Variants in GALNT13 observed in about 807,000 individuals in gnomAD.
GALNT13 encodes the protein UDP-GalNAc:polypeptide N-acetylgalactosaminyltransferase 13.
Under a neutral mutation model 64.2 loss-of-function variants are expected in GALNT13, and 28 were observed. That is an observed-to-expected ratio of 0.44 (90% CI 0.32 to 0.60). GALNT13 has a LOEUF of 0.60. Among genes scored for constraint, GALNT13 ranks in the 20% least tolerant of loss-of-function variants. The pLI is 0.05. For synonymous variants in GALNT13, 214 were observed against 224.6 expected, an observed-to-expected ratio of 0.95 and a Z score of 0.42; for missense variants, 577 against 669.8, an observed-to-expected ratio of 0.86 and a Z score of 1.53.
At chr2:153,185,786 T>C in the GALNT13 span, among the ~76,000 whole-genome samples, 2 of 152,162 alleles carry the variant, frequency 1.3e-5, no homozygotes, top group Non-Finnish European at 2.9e-5. Context: ...TTTCTTAATT[T>C]TGAGTTTACA....
chr2:153,612,447 T>C, the GALNT13 span, among the ~76,000 whole-genome samples: 2 of 152,088 alleles, frequency 1.3e-5, no homozygotes, highest in African/African-American at 4.8e-5. Flanking sequence ...GTAACAAAGA[T>C]GAGTTCTAAA....
chr2:154,105,574 A>C (rs12693919), intron 3 of GALNT13, among the ~76,000 whole-genome samples: 30,527 of 152,100 alleles, frequency 0.2, 4,005 homozygotes, highest in Middle Eastern at 0.32. Flanking sequence ...ACACTCTATG[A>C]TGTTCCTAGA....
At chr2:154,273,359 T>C (rs1389212511) in intron 8 of GALNT13, among the ~76,000 whole-genome samples, 3 of 152,060 alleles carry the variant, frequency 2.0e-5, no homozygotes, top group Non-Finnish European at 4.4e-5. Flanking sequence ...CAAAAGGCCT[T>C]ATGCAGCTAT....
At chr2:153,959,538 T>C (rs1692797502) in intron 3 of GALNT13, among the ~76,000 whole-genome samples, 2 of 151,848 alleles carry the variant, frequency 1.3e-5, no homozygotes, top group South Asian at 4.2e-4. Context: ...GGAGAAGGGG[T>C]GACAAGGACG....
chr2:154,354,405 C>CTTTTTTTTTTTTTTTTTTTTTT (rs546187850), intron 9 of GALNT13, among the ~76,000 whole-genome samples: 1 of 60,360 alleles, frequency 1.7e-5, no homozygotes, highest in African/African-American at 6.9e-5. Context: ...TGATGTAGTC[C>CTTTTTTTTTTTTTTTTTTTTTT]TTTTTTTTTT....
intron 3 of GALNT13, among the ~76,000 whole-genome samples, chr2:154,021,676 A>G (rs1697509690): frequency 6.6e-6 from 1 of 151,610 alleles, no homozygotes; most frequent in Admixed American, 6.6e-5. Flanking sequence ...CTCTTTTCCT[A>G]ATTGAATACC....
chr2:153,309,902 C>T, the GALNT13 span, among the ~76,000 whole-genome samples: 1 of 152,074 alleles, frequency 6.6e-6, no homozygotes. Flanking sequence ...TATAGTTGTA[C>T]ATTCAGAATT....
the GALNT13 span, among the ~76,000 whole-genome samples, chr2:153,729,275 A>T: frequency 6.6e-6 from 1 of 151,936 alleles, no homozygotes; most frequent in African/African-American, 2.4e-5. Context: ...AATTATTTGG[A>T]TATTTTAGAT....
intron 10 of GALNT13, among the ~76,000 whole-genome samples, chr2:154,396,501 T>G (rs1292938468): frequency 6.6e-6 from 1 of 152,186 alleles, no homozygotes; most frequent in Non-Finnish European, 1.5e-5. Flanking sequence ...TAATTAAACG[T>G]TATATAATAA....
chr2:153,127,680 T>G, the GALNT13 span, among the ~76,000 whole-genome samples: 2 of 152,216 alleles, frequency 1.3e-5, no homozygotes, highest in African/African-American at 4.8e-5. Flanking sequence ...TGAGGTATCT[T>G]TTGTGGACTA....
At chr2:153,713,643 C>A in the GALNT13 span, among the ~76,000 whole-genome samples, 1 of 152,164 alleles carries the variant, frequency 6.6e-6, no homozygotes, top group African/African-American at 2.4e-5. Context: ...CCACCACACC[C>A]AGCTAACTTT....
the GALNT13 span, among the ~76,000 whole-genome samples, chr2:153,336,543 T>G: frequency 3.3e-5 from 5 of 152,160 alleles, no homozygotes; most frequent in South Asian, 2.1e-4. Context: ...TTTGGACAAT[T>G]TCTCCCATTT....
chr2:153,257,890 C>T, the GALNT13 span, among the ~76,000 whole-genome samples: 1 of 152,168 alleles, frequency 6.6e-6, no homozygotes, highest in African/African-American at 2.4e-5. Flanking sequence ...ATGAATCAAA[C>T]TTGACTTATA....
intron 3 of GALNT13, among the ~76,000 whole-genome samples, chr2:154,023,200 T>C (rs57653279): frequency 1.3e-5 from 2 of 152,208 alleles, no homozygotes; most frequent in Non-Finnish European, 2.9e-5. Context: ...TGTAGATGTC[T>C]ATTAGGTCCA....
the GALNT13 span, among the ~76,000 whole-genome samples, chr2:153,344,903 C>T: frequency 2.6e-5 from 4 of 151,958 alleles, no homozygotes; most frequent in Admixed American, 6.6e-5. Context: ...ATCTCAATAA[C>T]GCTGGAGAAG....
the GALNT13 span, among the ~76,000 whole-genome samples, chr2:153,454,133 G>A: frequency 6.6e-6 from 1 of 152,158 alleles, no homozygotes; most frequent in Non-Finnish European, 1.5e-5. Flanking sequence ...GGGAAGGATG[G>A]AGAAGGGCAA....
At chr2:154,350,962 A>G (rs1010755100) in intron 9 of GALNT13, among the ~76,000 whole-genome samples, 1 of 152,192 alleles carries the variant, frequency 6.6e-6, no homozygotes, top group African/African-American at 2.4e-5. Flanking sequence ...GGAGAACAGT[A>G]AACAGTTTGA....
chr2:153,068,634 A>G, the GALNT13 span, among the ~76,000 whole-genome samples: 1 of 152,144 alleles, frequency 6.6e-6, no homozygotes, highest in Non-Finnish European at 1.5e-5. Flanking sequence ...GTAAAATTAT[A>G]TATATTTTTT....
chr2:154,438,650 C>T lies in GALNT13; in HGVS notation c.1454C>T (p.Ser485Phe), dbSNP rs771174268. The change falls in exon 12 of 13, where the codon TCT (serine) becomes TTT (phenylalanine). Residue 485 changes from serine (S) to phenylalanine (F), a missense_variant. Coordinates refer to ENST00000392825, the MANE Select transcript of GALNT13 (RefSeq NM_052917.4). ...ACCGATGACTTGTGCTTGGATGTTT[C>T]TAGACTCAATGGACCTGTAATCATG... ...IRTDDLCLDV[S>F]RLNGPVIMLK... 3 of 1,612,260 alleles carry T rather than the reference C, an allele frequency of 1.9e-6. No individual in the cohort carries two copies. In the African/African-American group the frequency reaches 4.0e-5, roughly 22 times the overall value.
Sources: allele counts gnomAD v4.1 joint callset (sites outside exome capture counted in the v4.1 genomes callset), GRCh38; gene constraint gnomAD v4.1.1; transcripts MANE v1.5; gene names NCBI Gene and HGNC (gene_info 2026-07-23, HGNC 2026-07-21).